KCTD19: variants seen among roughly 807,000 people sequenced by gnomAD.
The protein encoded by KCTD19 is BTB/POZ domain-containing protein KCTD19.
In KCTD19, 67 loss-of-function variants were observed where a neutral mutation model predicts 103.5. The ratio of observed to expected loss-of-function variants is 0.65; its 90% CI spans 0.53 to 0.79. The LOEUF (loss-of-function observed/expected upper bound fraction) is 0.79. Among genes scored for constraint, KCTD19 ranks in the 30% least tolerant of loss-of-function variants. The pLI, the probability that KCTD19 is intolerant of heterozygous loss-of-function variation, is 0.00. For synonymous variants in KCTD19, 439 were observed against 452.2 expected (o/e 0.97, Z 0.37); for missense variants, 980 against 1,136.1 (o/e 0.86, Z 1.98).
chr16:67,301,828 T>A lies in KCTD19; in HGVS notation c.738A>T (p.Ala246=). The change falls in exon 5 of 16, where the codon GCA becomes GCT. Residue 246 remains alanine (A), a synonymous_variant. Coordinates refer to ENST00000304372, the MANE Select transcript of KCTD19 (RefSeq NM_001100915.3). ...GGTACCACCTTACGGCTTCAGTGAG[T>A]GCAGGGATTTCCAGAATTTCCACTT... ...EAEVEILEIP[A]LTEAVRWYRM... is the part of the protein sequence containing the mutation. The A allele has an allele frequency of 6.2e-7, 1 of 1,613,964 alleles. No individual in the cohort carries two copies. The highest frequency in any genetic ancestry group is 8.5e-7 in the Non-Finnish European group (1 of 1,179,902).
intron 1 of KCTD19, 83 bp downstream of exon 1, chr16:67,326,622 C>G: frequency 6.5e-7 from 1 of 1,530,326 alleles, no homozygotes; most frequent in Non-Finnish European, 8.8e-7. Flanking sequence ...GGTCTCGAAC[C>G]ACTTAGCCCC....
intron 2 of KCTD19, among the ~76,000 whole-genome samples, chr16:67,307,080 G>A (rs1175550256): frequency 6.6e-6 from 1 of 151,918 alleles, no homozygotes; most frequent in Non-Finnish European, 1.5e-5. Flanking sequence ...TATTTTTGGG[G>A]TACATGTGAT....
Position 67,304,640 on chromosome 16 carries a change from A to C in KCTD19, c.301-69T>G, listed in dbSNP as rs545312784. ...TAACTATGTACCAATTCTAGTGTGA[A>C]GATCAGGAAAAACAGTATGTGACTT... On this transcript the variant is annotated intron_variant, in intron 2 of 15. Transcript: ENST00000304372. The C allele has an allele frequency of 3.5e-5, 48 of 1,389,616 alleles. No individual in the cohort carries two copies. In the East Asian group the frequency reaches 9.2e-4, roughly 27 times the overall value. 86.1% of individuals were successfully genotyped at this position (1,389,616 alleles called of 1,614,324 possible). A position where few individuals can be genotyped will look rare whatever the true frequency, so the allele number is the denominator to read the frequency against.
chr16:67,301,872 T>C lies in KCTD19; in HGVS notation c.694A>G (p.Ile232Val), dbSNP rs746952235. The C allele has an allele frequency of 1.9e-6, 3 of 1,613,044 alleles. No individual in the cohort carries two copies. Among genetic ancestry groups the C allele is most frequent in the Non-Finnish European group, 1.7e-6 (2 of 1,179,080 alleles). The change falls in exon 5 of 16, where the codon ATT becomes GTT. Residue 232 changes from isoleucine to valine, a missense_variant. Ile to Val is a conservative substitution (Grantham distance 29). Transcript: ENST00000304372. Reference protein sequence around the residue: ...KILLPDNFSNIDVLEAEVEIL... With the variant: ...KILLPDNFSNVDVLEAEVEIL... ...TCCACTTCTGCTTCTAATACATCAA[T>C]GTTGGAGAAATTATCCGGTAGTAAA... is the stretch of plus-strand genomic sequence containing the variant.
At chr16:67,326,509 C>T (rs542239359) in intron 1 of KCTD19, 196 bp downstream of exon 1, 219 of 638,008 alleles carry the variant, frequency 3.4e-4, no homozygotes, top group South Asian at 2.4e-3. Flanking sequence ...AGAGCCAGAA[C>T]ACTTCATCCC....
intron 10 of KCTD19, 36 bp from the exon 11 acceptor site, chr16:67,294,730 G>C (rs1252337056): frequency 6.9e-7 from 1 of 1,447,622 alleles, no homozygotes; most frequent in Non-Finnish European, 9.7e-7. Flanking sequence ...AGTGAGTAGA[G>C]ACTTCCATCA....
At chr16:67,321,681 C>T (rs778507994) in intron 1 of KCTD19, 3 of 152,070 alleles carry the variant, frequency 2.0e-5, no homozygotes, top group Non-Finnish European at 4.4e-5. Context: ...CTGCCACATG[C>T]AGCGCCTCAT....
chr16:67,291,547 G>C lies in KCTD19; in HGVS notation c.2411-84C>G. On this transcript the variant is annotated intron_variant, in intron 13 of 15. Transcript: ENST00000304372. The stretch of plus-strand genomic sequence containing the variant: ...AGTGTGAGGAGGGGGAGAGGGGTAG[G>C]GCCCCCAGGGGCCACTGTCTCTGCC... The C allele has an allele frequency of 2.6e-6, 4 of 1,556,714 alleles. 1 individual carries two copies. The highest frequency in any genetic ancestry group is 1.8e-4 in the Middle Eastern group (1 of 5,618).
At position 67,299,527 on chromosome 16, in the gene KCTD19, C is replaced by G. The variant is rs779256614; in HGVS notation, c.822G>C (p.Gly274=). ...TTCSPLSPGK[G]ARTASLESVK... is the part of the protein sequence containing the mutation. ...CGGACTCCAGGCTGGCTGTGCGGGC[C>G]CCCTTCCCGGGGCTCAGGGGAGAAC... Residue 274 remains glycine, a synonymous_variant, in exon 6 of 16, where the codon GGG becomes GGC. Coordinates refer to ENST00000304372, the MANE Select transcript of KCTD19 (RefSeq NM_001100915.3). The G allele has an allele frequency of 6.2e-7, 1 of 1,613,920 alleles. No individual in the cohort carries two copies. The highest frequency in any genetic ancestry group is 8.5e-7 in the Non-Finnish European group (1 of 1,180,040).
At chr16:67,318,806 G>C (rs2037040551) in intron 2 of KCTD19, among the ~76,000 whole-genome samples, 1 of 151,868 alleles carries the variant, frequency 6.6e-6, no homozygotes, top group Admixed American at 6.6e-5. Context: ...CCATTTAAGT[G>C]GTTTTGAAGC....
At position 67,291,754 on chromosome 16, in the gene KCTD19, CG is replaced by C. The variant is rs759860142; in HGVS notation, c.2301del (p.Val768TrpfsTer38). ...ATGCAGAAGCCATCGCTGCCCACCA[CG>C]GGGGGGTGAGTCACTTTGAGGATAA... Reference protein sequence around the residue: ...LGVILKVTHPPVVGSDGFCMF... With the variant: ...LGVILKVTHPXVVGSDGFCMF... On this transcript the variant is annotated frameshift_variant, in exon 13 of 16. Transcript: ENST00000304372. LOFTEE classifies it high-confidence loss of function. 8 of 1,613,786 alleles carry C rather than the reference CG, an allele frequency of 5.0e-6. No homozygotes were observed. The highest frequency in any genetic ancestry group is 4.0e-5 in the African/African-American group (3 of 74,882).
rs767268783 is a variant in KCTD19, at chr16:67,290,935, C to T, written c.2617G>A (p.Gly873Ser). The T allele has an allele frequency of 5.0e-6, 8 of 1,614,000 alleles. No homozygotes were observed. The highest frequency in any genetic ancestry group is 1.6e-4 in the Middle Eastern group (1 of 6,068). Residue 873 changes from glycine to serine, a missense_variant, in exon 15 of 16, where the codon GGC (glycine) becomes AGC (serine). Coordinates refer to ENST00000304372, the MANE Select transcript of KCTD19 (RefSeq NM_001100915.3). Reference protein sequence around the residue: ...QFVVDLLAITGFKDDRHTQER... With the variant: ...QFVVDLLAITSFKDDRHTQER... ...TGGGTGTGCCGGTCATCCTTGAAGCCGGTGATGGCCAGCAAATCTACCACA... is the reference window on the plus strand; with the variant it reads ...TGGGTGTGCCGGTCATCCTTGAAGCTGGTGATGGCCAGCAAATCTACCACA...
rs1173937461 is a variant in KCTD19, at chr16:67,294,676, T to A, written c.1494A>T (p.Lys498Asn). ...AAAAAGCTTCTTCATTTTCAGATTCTTTCTCCTGAGTCCATGACCTGCAGA... is the reference window on the plus strand; with the variant it reads ...AAAAAGCTTCTTCATTTTCAGATTCATTCTCCTGAGTCCATGACCTGCAGA... ...CEAYKSWTQEKESENEEAFSI... is the reference protein window; with the variant it reads ...CEAYKSWTQENESENEEAFSI... Residue 498 changes from lysine to asparagine, a missense_variant, in exon 11 of 16, where the codon AAA (lysine) becomes AAT (asparagine). Lys to Asn is a moderately conservative substitution (Grantham distance 94, BLOSUM62 0). Coordinates refer to ENST00000304372, the MANE Select transcript of KCTD19 (RefSeq NM_001100915.3). 6.2e-7 allele frequency: 1 copy of A among 1,614,050 alleles called. No homozygotes were observed. The highest frequency in any genetic ancestry group is 1.1e-5 in the South Asian group (1 of 91,076).
At chr16:67,321,432 G>GA (rs1474894967) in intron 1 of KCTD19, among the ~76,000 whole-genome samples, 48 of 152,146 alleles carry the variant, frequency 3.2e-4, no homozygotes, top group Non-Finnish European at 2.1e-4. Flanking sequence ...CTAAATAAAT[G>GA]AAAAAATATC....
chr16:67,291,417 A>G lies in KCTD19; in HGVS notation c.2457T>C (p.Tyr819=), dbSNP rs560133232. 4.3e-6 allele frequency: 7 copies of G among 1,614,236 alleles called. No homozygotes were observed. In the South Asian group the frequency reaches 7.7e-5, roughly 18 times the overall value. Residue 819 remains tyrosine (Y), a synonymous_variant, in exon 14 of 16, where the codon TAT becomes TAC. Transcript: ENST00000304372. ...SFSLSWEEMF[Y]AQKCHCFLAD... is the part of the protein sequence containing the mutation. The stretch of plus-strand genomic sequence containing the variant: ...CCAGGAAGCAGTGACATTTCTGTGC[A>G]TAAAACATCTCTTCCCAGGACAGAG...
In KCTD19 at chr16:67,297,667, C is replaced by A; in HGVS notation, c.987-4G>T. The A allele has an allele frequency of 1.2e-6, 2 of 1,613,160 alleles. No homozygotes were observed. The highest frequency in any genetic ancestry group is 1.7e-6 in the Non-Finnish European group (2 of 1,179,794). ...CCGGCAAGTCCCCAGCCAGTTCCTG[C>A]CCAGAGGAAAGGTCTGTCATGAAGA... is the stretch of plus-strand genomic sequence containing the variant. On this transcript the variant is annotated splice_region_variant and splice_polypyrimidine_tract_variant and intron_variant, in intron 6 of 15. Coordinates refer to ENST00000304372, the MANE Select transcript of KCTD19 (RefSeq NM_001100915.3).
intron 1 of KCTD19, among the ~76,000 whole-genome samples, chr16:67,325,192 TTTTTTTCTTTTTTTC>T (rs2037124541): frequency 8.2e-6 from 1 of 121,838 alleles, no homozygotes; most frequent in African/African-American, 3.9e-5. Context: ...CTTTTTTTTC[TTTTTTTCTTTTTTTC>T]TTTTTTTTTT....
At position 67,323,643 on chromosome 16, in the gene KCTD19, T is replaced by C. The variant is rs1279105576; in HGVS notation, c.4-2758A>G. Among the ~76,000 whole-genome samples, 1 of 152,296 alleles carries C rather than the reference T, an allele frequency of 6.6e-6. No homozygotes were observed. The highest frequency in any genetic ancestry group is 2.4e-5 in the African/African-American group (1 of 41,564). ...AAAATCACATATGATTCCATCCACA[T>C]GCAATGTGTGGACAAGGCAAATTTC... On this transcript the variant is annotated intron_variant, in intron 1 of 15. Coordinates refer to ENST00000304372, the MANE Select transcript of KCTD19 (RefSeq NM_001100915.3). The surrounding 1 kb of genome is among the most constrained non-coding windows in gnomAD (Gnocchi z 4.1).
chr16:67,309,094 A>T (rs1243935798), intron 2 of KCTD19, among the ~76,000 whole-genome samples: 1 of 149,872 alleles, frequency 6.7e-6, no homozygotes, highest in African/African-American at 2.5e-5. Flanking sequence ...ATGCCACTGC[A>T]CTCAAGCCTA....
Sources: allele counts gnomAD v4.1 joint callset (sites outside exome capture counted in the v4.1 genomes callset), GRCh38; gene constraint gnomAD v4.1.1; non-coding constraint Gnocchi (gnomAD v3.1); transcripts MANE v1.5; gene names NCBI Gene and HGNC (gene_info 2026-07-23, HGNC 2026-07-21).